KAZN: variants seen among roughly 807,000 people sequenced by gnomAD.
KAZN encodes kazrin, periplakin interacting protein.
In KAZN, 40 loss-of-function variants were observed where a neutral mutation model predicts 87.4. The ratio of observed to expected loss-of-function variants is 0.46; its 90% CI spans 0.36 to 0.60. The LOEUF (loss-of-function observed/expected upper bound fraction) is 0.60. Among genes scored for constraint, KAZN ranks in the 20% least tolerant of loss-of-function variants. The probability of loss-of-function intolerance (pLI) is 0.00; values close to 1 mark genes in which losing one functional copy is unlikely to be tolerated. For synonymous variants in KAZN, 466 were observed against 458.3 expected (o/e 1.02, Z -0.22); for missense variants, 898 against 1,073.9 (o/e 0.84, Z 2.29).
intron 2 of KAZN, among the ~76,000 whole-genome samples, chr1:14,967,193 T>TTCCCTCCCTC (rs1222848688): frequency 6.6e-6 from 1 of 152,074 alleles, no homozygotes; most frequent in African/African-American, 2.4e-5. Context: ...CCATTTTCGT[T>TTCCCTCCCTC]TCCCTCCCTC....
intron 2 of KAZN, among the ~76,000 whole-genome samples, chr1:14,501,953 C>T (rs1670279425): frequency 6.6e-6 from 1 of 152,022 alleles, no homozygotes; most frequent in Non-Finnish European, 1.5e-5. Context: ...TTCCTGGGAC[C>T]AAGGGAGGGG....
In KAZN at chr1:14,496,070, T is replaced by C. The variant is rs376410049; in HGVS notation, c.250-102913T>C. ...ACAGGATTTTTCCAAGGCTTGCTAT[T>C]TATTTTCACAGTCTCGCTTTTCACC... On this transcript the variant is annotated intron_variant, in intron 2 of 16. Transcript: ENST00000636203. 4.6e-5 allele frequency among the ~76,000 whole-genome samples: 7 copies of C among 152,352 alleles called. No homozygotes were observed. In the East Asian group the frequency reaches 7.7e-4, roughly 17 times the overall value.
At chr1:14,749,228 G>A (rs555165023) in intron 1 of KAZN, among the ~76,000 whole-genome samples, 45 of 152,270 alleles carry the variant, frequency 3.0e-4, no homozygotes, top group African/African-American at 1.1e-3. Flanking sequence ...AGTGCTATGG[G>A]CAGCAACTAG....
intron 2 of KAZN, among the ~76,000 whole-genome samples, chr1:14,494,885 G>C (rs1322294650): frequency 2.6e-5 from 4 of 152,182 alleles, no homozygotes; most frequent in African/African-American, 4.8e-5. Flanking sequence ...GGGAGAGATA[G>C]CCTGGGTGAT....
intron 8 of KAZN, among the ~76,000 whole-genome samples, chr1:15,084,503 A>G (rs6429709): frequency 0.38 from 58,530 of 152,202 alleles, 13,085 homozygotes; most frequent in East Asian, 0.91. Context: ...GACAAAAAAC[A>G]AAAGCTGTAA....
intron 2 of KAZN, among the ~76,000 whole-genome samples, chr1:14,469,295 A>G (rs1668324121): frequency 1.3e-5 from 2 of 152,230 alleles, no homozygotes; most frequent in Non-Finnish European, 2.9e-5. Flanking sequence ...TTATTTAGCC[A>G]GTAGTCTAAG....
chr1:14,899,729 T>C lies in KAZN; in HGVS notation c.227-60955T>C, dbSNP rs114180832. On this transcript the variant is annotated intron_variant, in intron 1 of 14. Transcript: ENST00000376030. ...CTCCTCCCTCTGTCCACCACTCCTC[T>C]CTCCTTCCCTCCCTATGGGTTCCTG... Among the ~76,000 whole-genome samples the C allele has an allele frequency of 4.6e-3, 695 of 151,920 alleles. 9 individuals carry two copies. The highest frequency in any genetic ancestry group is 0.016 in the African/African-American group (650 of 41,422).
intron 1 of KAZN, chr1:14,924,426 C>G (rs1658915962): frequency 1.0e-6 from 1 of 987,990 alleles, no homozygotes; most frequent in Non-Finnish European, 1.2e-6. Context: ...CAGGGCGAGC[C>G]GGCGCCTTCC....
chr1:14,863,177 G>A (rs772487487), intron 1 of KAZN, among the ~76,000 whole-genome samples: 6 of 152,202 alleles, frequency 3.9e-5, no homozygotes, highest in Admixed American at 2.0e-4. Context: ...CTGGAGGGCT[G>A]TGTGCACTGC....
chr1:14,936,672 C>T (rs933025356), intron 1 of KAZN, among the ~76,000 whole-genome samples: 4 of 152,200 alleles, frequency 2.6e-5, no homozygotes, highest in African/African-American at 4.8e-5. Flanking sequence ...CCCCACTGGG[C>T]GCCTGGAACT....
At chr1:14,667,043 C>T (rs999512564) in intron 1 of KAZN, among the ~76,000 whole-genome samples, 1 of 152,156 alleles carries the variant, frequency 6.6e-6, no homozygotes, top group African/African-American at 2.4e-5. Context: ...TAAGGCCCAC[C>T]CTAAATCCAG....
chr1:14,478,736 A>G (rs1292708001), intron 2 of KAZN, among the ~76,000 whole-genome samples: 1 of 152,060 alleles, frequency 6.6e-6, no homozygotes, highest in Non-Finnish European at 1.5e-5. Flanking sequence ...TCTCACACAG[A>G]CCCGTGCCCC....
In KAZN at chr1:14,773,595, G is replaced by A. The variant is rs573689508; in HGVS notation, c.226+174372G>A. 3.3e-5 allele frequency among the ~76,000 whole-genome samples: 5 copies of A among 152,314 alleles called. No homozygotes were observed. The South Asian group carries it at 8.3e-4, about 25-fold the overall frequency. ...ATGATGTTGACTTTCCAGAGCCATAGGGAGTTGGAAATGAGGTCAGGCACC... is the reference window on the plus strand; with the variant it reads ...ATGATGTTGACTTTCCAGAGCCATAAGGAGTTGGAAATGAGGTCAGGCACC... On this transcript the variant is annotated intron_variant, in intron 1 of 14. Transcript: ENST00000376030. The surrounding 1 kb of genome is among the most constrained non-coding windows in gnomAD (Gnocchi z 5.9).
At chr1:14,898,251 A>T (rs1439510890) in intron 1 of KAZN, among the ~76,000 whole-genome samples, 7 of 152,160 alleles carry the variant, frequency 4.6e-5, no homozygotes, top group Admixed American at 4.6e-4. Flanking sequence ...CTGGAAGAAA[A>T]GACATACCAT....
chr1:14,413,718 G>A (rs1438727841), intron 2 of KAZN, among the ~76,000 whole-genome samples: 1 of 148,904 alleles, frequency 6.7e-6, no homozygotes, highest in African/African-American at 2.5e-5. Flanking sequence ...GTAATCTGAA[G>A]ACATTAAAAT....
In KAZN at chr1:14,987,323, T is replaced by G. The variant is rs1393674580; in HGVS notation, c.418+26448T>G. ...GCCTGGCCAACATGGTGAAACCCCG[T>G]CTCTACTAAAGATACTAAAAATTAG... On this transcript the variant is annotated intron_variant, in intron 2 of 14. Coordinates refer to ENST00000376030, the MANE Select transcript of KAZN (RefSeq NM_201628.3). Among the ~76,000 whole-genome samples the G allele has an allele frequency of 9.9e-5, 15 of 152,080 alleles. No homozygotes were observed. The East Asian group carries it at 1.7e-3, about 18-fold the overall frequency.
chr1:14,733,673 C>T (rs1411582467), intron 1 of KAZN, among the ~76,000 whole-genome samples: 1 of 152,014 alleles, frequency 6.6e-6, no homozygotes, highest in Non-Finnish European at 1.5e-5. Flanking sequence ...CGTGGGGACT[C>T]GGGGGTCATA....
intron 1 of KAZN, among the ~76,000 whole-genome samples, chr1:13,961,717 G>T (rs1264831188): frequency 6.6e-6 from 1 of 152,174 alleles, no homozygotes; most frequent in Non-Finnish European, 1.5e-5. Context: ...CTCAGACAAG[G>T]ACCATACCTG....
At position 15,114,843 on chromosome 1, in the gene KAZN, G is replaced by A. The variant is rs1641786886; in HGVS notation, c.*208G>A. The A allele has an allele frequency of 2.0e-6, 1 of 501,116 alleles. No homozygotes were observed. The highest frequency in any genetic ancestry group is 1.9e-5 in the African/African-American group (1 of 52,360). 31.0% of individuals were successfully genotyped at this position (501,116 alleles called of 1,614,324 possible). ...AGCCCACCTGTCTTGGGTGGGCCAT[G>A]GACTTTCCTGTTCAGCTGGAGATGG... On this transcript the variant is annotated 3_prime_UTR_variant, in exon 15 of 15. Coordinates refer to ENST00000376030, the MANE Select transcript of KAZN (RefSeq NM_201628.3).
Sources: gnomAD v4.1 joint callset for allele counts (sites outside exome capture counted in the v4.1 genomes callset) on GRCh38, gnomAD v4.1.1 for gene constraint, Gnocchi (gnomAD v3.1) non-coding constraint, MANE v1.5 for transcripts, NCBI Gene and HGNC (gene_info 2026-07-23, HGNC 2026-07-21) for gene names.